Variants in PCDHGA2 observed in about 807,000 individuals in gnomAD.
PCDHGA2 encodes protocadherin gamma subfamily A, 2.
A neutral mutation model predicts 59.2 loss-of-function variants in PCDHGA2; 40 were observed. That is an observed-to-expected ratio of 0.68 (90% CI 0.52 to 0.88). The LOEUF (loss-of-function observed/expected upper bound fraction) is 0.88. PCDHGA2 is among the 40% of genes least tolerant of loss of function. The pLI is 0.00. For synonymous variants in PCDHGA2, 560 were observed against 526.0 expected, an observed-to-expected ratio of 1.06 and a Z score of -0.89; for missense variants, 1,226 against 1,204.0, an observed-to-expected ratio of 1.02 and a Z score of -0.27.
chr5:141,388,204 A>T lies in PCDHGA2; in HGVS notation c.2424+46809A>T, dbSNP rs746829885. ...AAGCCAGCTTGTGCTCTGGAATTTG[A>T]GGCTGTTGCTGAAAATCCACTGAAC... On this transcript the variant is annotated intron_variant, in intron 1 of 3. Coordinates refer to ENST00000394576, the MANE Select transcript of PCDHGA2 (RefSeq NM_018915.4). 9 of 1,575,744 alleles carry T rather than the reference A, an allele frequency of 5.7e-6. No homozygotes were observed. The Admixed American group carries it at 1.5e-4, about 27-fold the overall frequency.
chr5:141,410,345 C>T, intron 1 of PCDHGA2: 1 of 1,614,040 alleles, frequency 6.2e-7, no homozygotes, highest in Non-Finnish European at 8.5e-7. Flanking sequence ...TGCCTTGCGC[C>T]TGCGACGCTC....
intron 1 of PCDHGA2, chr5:141,365,729 A>G: frequency 1.2e-6 from 2 of 1,613,792 alleles, no homozygotes; most frequent in South Asian, 2.2e-5. Flanking sequence ...AAACAATCCC[A>G]GAGGTGTCTC....
chr5:141,389,935 C>G (rs1212194328), intron 1 of PCDHGA2: 1 of 1,613,966 alleles, frequency 6.2e-7, no homozygotes, highest in Non-Finnish European at 8.5e-7. Flanking sequence ...GACCTCCAGG[C>G]TGAGCTGCAG....
chr5:141,344,886 C>A, intron 1 of PCDHGA2: 1 of 1,613,810 alleles, frequency 6.2e-7, no homozygotes, highest in Non-Finnish European at 8.5e-7. Context: ...AGATAAAATG[C>A]CTGGGAAAAT....
chr5:141,427,483 A>G lies in PCDHGA2; in HGVS notation c.2425-67324A>G, dbSNP rs759092057. The G allele has an allele frequency of 1.5e-4, 79 of 535,350 alleles. 2 individuals carry two copies. The highest frequency in any genetic ancestry group is 1.1e-3 in the South Asian group (73 of 65,268). 33.2% of individuals were successfully genotyped at this position (535,350 alleles called of 1,614,324 possible). ...ATCGAATCTTCCGCCAATAATGACT[A>G]TAAGCTTGTAACAGATGGGACCCTG... On this transcript the variant is annotated intron_variant, in intron 1 of 3. Coordinates refer to ENST00000394576, the MANE Select transcript of PCDHGA2 (RefSeq NM_018915.4).
At chr5:141,506,444 C>CAAA (rs1219684339) in intron 3 of PCDHGA2, among the ~76,000 whole-genome samples, 2 of 95,018 alleles carry the variant, frequency 2.1e-5, no homozygotes, top group African/African-American at 7.9e-5. Context: ...CGCTCTGTCT[C>CAAA]AAAAAAAAAA....
chr5:141,415,684 A>G, intron 1 of PCDHGA2: 2 of 1,437,842 alleles, frequency 1.4e-6, no homozygotes, highest in Non-Finnish European at 1.9e-6. Flanking sequence ...TTGCGGCATG[A>G]TGGTGGAAAG....
chr5:141,404,435 A>G, intron 1 of PCDHGA2: 2 of 1,613,032 alleles, frequency 1.2e-6, no homozygotes, highest in South Asian at 2.2e-5. Flanking sequence ...GGCAGAGGAT[A>G]CCATCCAAGG....
At chr5:141,418,654 G>C (rs2096278227) in intron 1 of PCDHGA2, 1 of 1,614,016 alleles carries the variant, frequency 6.2e-7, no homozygotes, top group African/African-American at 1.3e-5. Context: ...TGAGAGTGAA[G>C]GCCACTGACC....
chr5:141,344,214 G>A, intron 1 of PCDHGA2: 1 of 1,614,026 alleles, frequency 6.2e-7, no homozygotes, highest in Non-Finnish European at 8.5e-7. Flanking sequence ...GGAGCTGGCG[G>A]AGCGCGGAGT....
chr5:141,371,742 C>T (rs773429109), intron 1 of PCDHGA2: 16 of 1,613,950 alleles, frequency 9.9e-6, no homozygotes, highest in Middle Eastern at 1.6e-4. Flanking sequence ...CGACAACGTT[C>T]CCGTTTTCCA....
intron 1 of PCDHGA2, chr5:141,409,794 C>T (rs1345529657): frequency 1.9e-6 from 3 of 1,611,732 alleles, no homozygotes; most frequent in South Asian, 1.1e-5. Flanking sequence ...TTCGCGCTCA[C>T]GCTGCAGGCC....
intron 1 of PCDHGA2, chr5:141,389,333 C>T (rs753436946): frequency 6.2e-7 from 1 of 1,614,016 alleles, no homozygotes; most frequent in South Asian, 1.1e-5. Flanking sequence ...GGCCCAACGG[C>T]CAAGTCTCTT....
rs577323909 is a variant in PCDHGA2 at position 141,419,160 on chromosome 5, C to G, written c.2425-75647C>G. 13 of 1,613,956 alleles carry G rather than the reference C, an allele frequency of 8.1e-6. 1 individual carries two copies. In the South Asian group the frequency reaches 1.4e-4, roughly 18 times the overall value. On this transcript the variant is annotated intron_variant, in intron 1 of 3. Coordinates refer to ENST00000394576, the MANE Select transcript of PCDHGA2 (RefSeq NM_018915.4). ...GACAGGGGCAAGCCTCCGTTATCCT[C>G]CAGCAAAACCATAACCCTGCACATT...
chr5:141,344,912 T>A, intron 1 of PCDHGA2: 1 of 1,613,966 alleles, frequency 6.2e-7, no homozygotes, highest in Non-Finnish European at 8.5e-7. Context: ...AGATTTTCCA[T>A]CTTAACTCAG....
At chr5:141,382,585 A>C (rs543954739) in intron 1 of PCDHGA2, among the ~76,000 whole-genome samples, 8 of 152,250 alleles carry the variant, frequency 5.3e-5, no homozygotes, top group Non-Finnish European at 1.0e-4. Context: ...GGAAATTTTG[A>C]AAGATGAAAC....
intron 1 of PCDHGA2, among the ~76,000 whole-genome samples, chr5:141,437,228 A>C (rs1410620126): frequency 6.6e-6 from 1 of 152,228 alleles, no homozygotes; most frequent in Non-Finnish European, 1.5e-5. Context: ...CCAGTCATAA[A>C]ATTATGTCAA....
intron 1 of PCDHGA2, chr5:141,393,788 G>A (rs2092844033): frequency 6.2e-7 from 1 of 1,613,938 alleles, no homozygotes. Context: ...AAGATGTGGG[G>A]GCACTTCTGG....
intron 1 of PCDHGA2, chr5:141,383,037 A>G: frequency 6.2e-7 from 1 of 1,613,816 alleles, no homozygotes; most frequent in Non-Finnish European, 8.5e-7. Context: ...CCTTTGTGGG[A>G]GACATCGCCA....
Sources: allele counts gnomAD v4.1 joint callset (sites outside exome capture counted in the v4.1 genomes callset), GRCh38; gene constraint gnomAD v4.1.1; transcripts MANE v1.5; gene names NCBI Gene and HGNC (gene_info 2026-07-23, HGNC 2026-07-21).